The following SAMTOR variants were observed in gnomAD, a reference collection of about 807,000 sequenced individuals.
The protein encoded by SAMTOR is UPF0532 protein C7orf60.
the SAMTOR span, chr7:112,915,461 G>A: frequency 6.4e-6 from 10 of 1,566,174 alleles, no homozygotes; most frequent in African/African-American, 8.2e-5. Flanking sequence ...AAAACAAAGT[G>A]ATAAATGAAT....
chr7:112,860,642 C>T, the SAMTOR span, among the ~76,000 whole-genome samples: 1 of 151,962 alleles, frequency 6.6e-6, no homozygotes, highest in East Asian at 1.9e-4. Context: ...GTGGCTCACG[C>T]CTGTAATCCC....
chr7:112,869,173 C>T, the SAMTOR span, among the ~76,000 whole-genome samples: 3 of 152,126 alleles, frequency 2.0e-5, no homozygotes, highest in South Asian at 6.2e-4. Context: ...GGTAATCTCT[C>T]GCCCCCAGCC....
the SAMTOR span, among the ~76,000 whole-genome samples, chr7:112,904,373 T>C: frequency 2.6e-5 from 4 of 152,030 alleles, no homozygotes; most frequent in East Asian, 5.8e-4. Flanking sequence ...AAAATGAGAA[T>C]TAACCAAAAA....
chr7:112,927,586 G>A, the SAMTOR span, among the ~76,000 whole-genome samples: 1 of 151,968 alleles, frequency 6.6e-6, no homozygotes, highest in Admixed American at 6.6e-5. Flanking sequence ...TAAAGTAAAA[G>A]TGAGACAGAG....
the SAMTOR span, among the ~76,000 whole-genome samples, chr7:112,922,896 C>T: frequency 3.4e-4 from 49 of 143,920 alleles, 3 homozygotes; most frequent in South Asian, 1.1e-3. Context: ...TCAGCCCCCC[C>T]CCCCCGGGCC....
At chr7:112,863,908 C>T in the SAMTOR span, among the ~76,000 whole-genome samples, 1 of 152,092 alleles carries the variant, frequency 6.6e-6, no homozygotes, top group African/African-American at 2.4e-5. Flanking sequence ...GGCATATACC[C>T]AAAGAAATAT....
the SAMTOR span, among the ~76,000 whole-genome samples, chr7:112,837,937 A>G: frequency 1.3e-5 from 2 of 151,980 alleles, no homozygotes; most frequent in East Asian, 1.9e-4. Context: ...GCCTGAAGGA[A>G]GCTTACATAA....
chr7:112,860,911 T>TAAA, the SAMTOR span, among the ~76,000 whole-genome samples: 1 of 70,184 alleles, frequency 1.4e-5, no homozygotes, highest in African/African-American at 8.6e-5. Context: ...AGACTCTGTC[T>TAAA]CAAAAAAAAA....
chr7:112,882,237 G>C, the SAMTOR span, among the ~76,000 whole-genome samples: 11 of 152,202 alleles, frequency 7.2e-5, no homozygotes, highest in African/African-American at 2.7e-4. Flanking sequence ...GCCCTTGGCA[G>C]GCATGGGATC....
the SAMTOR span, among the ~76,000 whole-genome samples, chr7:112,924,599 T>A: frequency 6.6e-6 from 1 of 152,164 alleles, no homozygotes; most frequent in Non-Finnish European, 1.5e-5. Flanking sequence ...TATGTACTCA[T>A]ATACAAATAT....
At chr7:112,913,697 C>T in the SAMTOR span, among the ~76,000 whole-genome samples, 1 of 152,208 alleles carries the variant, frequency 6.6e-6, no homozygotes, top group Non-Finnish European at 1.5e-5. Flanking sequence ...CTCCCTCTGT[C>T]ATTTTGCTCT....
the SAMTOR span, among the ~76,000 whole-genome samples, chr7:112,893,818 C>T: frequency 2.6e-5 from 4 of 152,180 alleles, no homozygotes; most frequent in African/African-American, 4.8e-5. Flanking sequence ...AGGAGAATGG[C>T]GTGAACCTGG....
At chr7:112,821,750 T>TA in the SAMTOR span, 10 of 1,590,428 alleles carry the variant, frequency 6.3e-6, no homozygotes, top group Non-Finnish European at 8.5e-6. Context: ...TATATTAACT[T>TA]AAAAGTAATA....
chr7:112,863,857 T>G, the SAMTOR span, among the ~76,000 whole-genome samples: 1 of 152,288 alleles, frequency 6.6e-6, no homozygotes, highest in South Asian at 2.1e-4. Flanking sequence ...GTGTGGTGAT[T>G]CCTCAATGAA....
At chr7:112,852,937 G>A in the SAMTOR span, among the ~76,000 whole-genome samples, 1 of 151,926 alleles carries the variant, frequency 6.6e-6, no homozygotes, top group South Asian at 2.1e-4. Context: ...CTCTGTCACC[G>A]AGAAGCAAAA....
the SAMTOR span, among the ~76,000 whole-genome samples, chr7:112,825,229 A>G: frequency 2.6e-5 from 4 of 151,472 alleles, no homozygotes; most frequent in South Asian, 6.3e-4. Flanking sequence ...TTTTTGCCAC[A>G]TTGCCCAGGA....
chr7:112,846,336 G>A, the SAMTOR span, among the ~76,000 whole-genome samples: 10 of 144,356 alleles, frequency 6.9e-5, no homozygotes, highest in East Asian at 6.3e-4. Context: ...ATATAAAGAG[G>A]GAAACAACAG....
the SAMTOR span, among the ~76,000 whole-genome samples, chr7:112,837,196 C>G: frequency 6.6e-6 from 1 of 151,948 alleles, no homozygotes. Flanking sequence ...CTTTTTGTGG[C>G]AATTGTGGAT....
the SAMTOR span, among the ~76,000 whole-genome samples, chr7:112,894,790 A>G: frequency 1.3e-5 from 2 of 152,286 alleles, no homozygotes; most frequent in East Asian, 3.9e-4. Flanking sequence ...TTGGGTGGGG[A>G]CACAATTAAA....
Sources: allele counts gnomAD v4.1 joint callset (sites outside exome capture counted in the v4.1 genomes callset), GRCh38; gene constraint gnomAD v4.1.1; transcripts MANE v1.5; gene names NCBI Gene and HGNC (gene_info 2026-07-23, HGNC 2026-07-21).